The following GFRAL variants were observed in gnomAD, a reference collection of about 807,000 sequenced individuals.
The protein encoded by GFRAL is GDNF family receptor alpha-like.
Under a neutral mutation model 45.4 loss-of-function variants are expected in GFRAL, and 36 were observed. The ratio of observed to expected loss-of-function variants is 0.79; its 90% confidence interval spans 0.61 to 1.05. GFRAL has a LOEUF of 1.05. Ranked by LOEUF, GFRAL falls within the 50% of genes least tolerant of loss-of-function variation. The pLI is 0.00. For missense variants in GFRAL, 507 were observed against 467.5 expected (o/e 1.08, Z -0.78); for synonymous variants, 166 against 154.1 (o/e 1.08, Z -0.57).
chr6:55,365,184 T>G (rs2127359005), intron 6 of GFRAL, among the ~76,000 whole-genome samples: 2 of 150,148 alleles, frequency 1.3e-5, no homozygotes, highest in South Asian at 4.2e-4. Flanking sequence ...CCTAGGTATT[T>G]TATTCTCTTT....
At chr6:55,344,172 TC>T (rs748849197) in intron 3 of GFRAL, among the ~76,000 whole-genome samples, 4 of 152,022 alleles carry the variant, frequency 2.6e-5, no homozygotes, top group Non-Finnish European at 4.4e-5. Context: ...GAGGGAATGC[TC>T]CCTAACTCAT....
chr6:55,372,281 A>C (rs902780285), intron 6 of GFRAL, among the ~76,000 whole-genome samples: 2 of 152,142 alleles, frequency 1.3e-5, no homozygotes, highest in African/African-American at 4.8e-5. Flanking sequence ...AATCTTCCCC[A>C]AGGAGATCCC....
rs1768230479 is a variant in GFRAL, at chr6:55,358,806, T to C, written c.702-82T>C. On this transcript the variant is annotated intron_variant, in intron 5 of 8. Coordinates refer to ENST00000340465, the MANE Select transcript of GFRAL (RefSeq NM_207410.2). ...TCTCGAAGGCATTGTGTTCTATGTC[T>C]TTCATTAGGTGAGGGGGGATCACAT... 6 of 1,343,994 alleles carry C rather than the reference T, an allele frequency of 4.5e-6. No homozygotes were observed. The Admixed American group carries it at 1.2e-4, about 26-fold the overall frequency. The allele number at this position is 1,343,994 out of a possible 1,614,324, so 83.3% of individuals were successfully genotyped here. A position where few individuals can be genotyped will look rare whatever the true frequency, so the allele number is the denominator to read the frequency against.
chr6:55,351,650 C>T lies in GFRAL; in HGVS notation c.701+67C>T, dbSNP rs946334587. On this transcript the variant is annotated intron_variant, in intron 5 of 8. Coordinates refer to ENST00000340465, the MANE Select transcript of GFRAL (RefSeq NM_207410.2). Reference sequence around the variant, plus strand: ...CTTATTTGTTATAGTCCAGTCCTAACACTTGATCTCATAACATTAGCTAGA... The same window carrying T: ...CTTATTTGTTATAGTCCAGTCCTAATACTTGATCTCATAACATTAGCTAGA... 2.8e-5 allele frequency: 30 copies of T among 1,084,252 alleles called. No homozygotes were observed. The Admixed American group carries it at 3.1e-4, about 11-fold the overall frequency. The allele number at this position is 1,084,252 out of a possible 1,614,324, so 67.2% of individuals were successfully genotyped here.
At chr6:55,359,900 A>T (rs1768250815) in intron 6 of GFRAL, among the ~76,000 whole-genome samples, 1 of 151,944 alleles carries the variant, frequency 6.6e-6, no homozygotes, top group African/African-American at 2.4e-5. Context: ...TTAATCAAGG[A>T]TCATTACTCT....
chr6:55,330,023 TC>T (rs1441176437), intron 1 of GFRAL, among the ~76,000 whole-genome samples: 2 of 152,140 alleles, frequency 1.3e-5, no homozygotes, highest in African/African-American at 4.8e-5. Flanking sequence ...ACAATTTCAA[TC>T]CCTGTATTTT....
At chr6:55,346,225 TAA>T (rs1197791665) in intron 3 of GFRAL, among the ~76,000 whole-genome samples, 1 of 152,134 alleles carries the variant, frequency 6.6e-6, no homozygotes, top group African/African-American at 2.4e-5. Flanking sequence ...CATGCTGCTA[TAA>T]AGACACATGC....
intron 5 of GFRAL, among the ~76,000 whole-genome samples, chr6:55,354,384 C>T (rs758859515): frequency 2.6e-4 from 39 of 150,458 alleles, no homozygotes; most frequent in Non-Finnish European, 5.4e-4. Flanking sequence ...ACTCAAAAAA[C>T]GTCATCTCCC....
At chr6:55,366,862 T>A (rs1768371993) in intron 6 of GFRAL, among the ~76,000 whole-genome samples, 1 of 111,486 alleles carries the variant, frequency 9.0e-6, no homozygotes, top group Non-Finnish European at 1.8e-5. Context: ...TACTTCCAAG[T>A]ATGTGGTCAA....
chr6:55,335,210 C>T (rs1004627780), intron 3 of GFRAL, among the ~76,000 whole-genome samples: 4 of 152,110 alleles, frequency 2.6e-5, no homozygotes, highest in Non-Finnish European at 4.4e-5. Flanking sequence ...TTTTAATTTG[C>T]ACTTAATTAT....
intron 3 of GFRAL, among the ~76,000 whole-genome samples, chr6:55,341,669 T>C (rs1767967396): frequency 6.6e-6 from 1 of 152,294 alleles, no homozygotes; most frequent in East Asian, 1.9e-4. Flanking sequence ...CAAAGCTGGA[T>C]GGAGAATGAC....
chr6:55,374,786 G>A (rs1379312905), intron 6 of GFRAL, among the ~76,000 whole-genome samples: 1 of 152,060 alleles, frequency 6.6e-6, no homozygotes, highest in East Asian at 1.9e-4. Context: ...AAGCCATCTT[G>A]AGTTAATTTC....
At chr6:55,386,374 C>A (rs1427526158) in intron 6 of GFRAL, among the ~76,000 whole-genome samples, 1 of 152,058 alleles carries the variant, frequency 6.6e-6, no homozygotes, top group African/African-American at 2.4e-5. Context: ...TGATGTGGAA[C>A]TTTTGTCATC....
chr6:55,359,574 T>TG (rs1278604053), intron 6 of GFRAL, among the ~76,000 whole-genome samples: 1 of 151,962 alleles, frequency 6.6e-6, no homozygotes, highest in Non-Finnish European at 1.5e-5. Flanking sequence ...GATGGTCTTT[T>TG]GGGGGGTCAC....
chr6:55,401,966 G>T lies in GFRAL; in HGVS notation c.*113G>T. 3.2e-6 allele frequency: 2 copies of T among 625,576 alleles called. No homozygotes were observed. The highest frequency in any genetic ancestry group is 5.5e-6 in the Non-Finnish European group (2 of 364,824). 38.8% of individuals were successfully genotyped at this position (625,576 alleles called of 1,614,324 possible). A position where few individuals can be genotyped will look rare whatever the true frequency, so the allele number is the denominator to read the frequency against. ...TCTCCTCTCCTCCCCTCCCCTCTCT[G>T]TTTCTTTTTCTTTTTCTTTTCTTTT... On this transcript the variant is annotated 3_prime_UTR_variant, in exon 9 of 9. Coordinates refer to ENST00000340465, the MANE Select transcript of GFRAL (RefSeq NM_207410.2).
At chr6:55,346,532 G>A (rs1256981185) in intron 3 of GFRAL, among the ~76,000 whole-genome samples, 1 of 151,984 alleles carries the variant, frequency 6.6e-6, no homozygotes, top group African/African-American at 2.4e-5. Flanking sequence ...TCACACACCG[G>A]GGCCTGTCGT....
chr6:55,378,140 G>A lies in GFRAL; in HGVS notation c.952+19002G>A, dbSNP rs142957720. Among the ~76,000 whole-genome samples, 586 of 152,030 alleles carry A rather than the reference G, an allele frequency of 3.9e-3. 8 individuals are homozygous for A. The highest frequency in any genetic ancestry group is 0.013 in the African/African-American group (556 of 41,492). ...AGTGCTGAGTGGGTCCCCACATTTC[G>A]TGCTTCAGTGGCAGAAAAGTACTGG... is the stretch of plus-strand genomic sequence containing the variant. On this transcript the variant is annotated intron_variant, in intron 6 of 8. Transcript: ENST00000340465.
intron 6 of GFRAL, among the ~76,000 whole-genome samples, chr6:55,370,333 A>T (rs568170388): frequency 6.6e-6 from 1 of 152,244 alleles, no homozygotes; most frequent in Non-Finnish European, 1.5e-5. Context: ...CATTAAAAAA[A>T]ATCCAATCAA....
chr6:55,369,706 A>C (rs576431115), intron 6 of GFRAL, among the ~76,000 whole-genome samples: 3,875 of 151,360 alleles, frequency 0.026, 89 homozygotes, highest in Admixed American at 0.044. Flanking sequence ...AAAAAAAAAC[A>C]GTTTGTTTCT....
Sources: allele counts gnomAD v4.1 joint callset (sites outside exome capture counted in the v4.1 genomes callset), GRCh38; gene constraint gnomAD v4.1.1; transcripts MANE v1.5; gene names NCBI Gene and HGNC (gene_info 2026-07-23, HGNC 2026-07-21).